The following NMNAT2 variants were observed in gnomAD, a reference collection of about 807,000 sequenced individuals.
NMNAT2 encodes the protein nicotinamide nucleotide adenylyltransferase 2, also known as nicotinamide/nicotinic acid mononucleotide adenylyltransferase 2.
NMNAT2 carries 11 observed loss-of-function variants against 41.6 expected under a neutral mutation model. The observed-to-expected ratio is 0.26, with a 90% confidence interval of 0.17 to 0.44. The LOEUF is 0.44. Ranked by LOEUF, NMNAT2 falls within the 20% of genes least tolerant of loss-of-function variation. The pLI, the probability that NMNAT2 is intolerant of heterozygous loss-of-function variation, is 1.00. For missense variants in NMNAT2, 288 were observed against 407.7 expected (o/e 0.71, Z 2.53); for synonymous variants, 148 against 151.2 (o/e 0.98, Z 0.16).
At chr1:183,407,190 G>A (rs1213633322) in intron 1 of NMNAT2, among the ~76,000 whole-genome samples, 1 of 152,144 alleles carries the variant, frequency 6.6e-6, no homozygotes, top group Non-Finnish European at 1.5e-5. Flanking sequence ...CCCGCCTGAA[G>A]TGTCCAGTGG....
chr1:183,295,866 G>T (rs997967529), intron 1 of NMNAT2, among the ~76,000 whole-genome samples: 14 of 151,740 alleles, frequency 9.2e-5, no homozygotes, highest in Admixed American at 7.9e-4. Context: ...CTTTTTCTTT[G>T]AGAGGAAGTC....
At chr1:183,261,172 A>AC in intron 9 of NMNAT2, 30 bp downstream of exon 9, 1 of 1,609,172 alleles carries the variant, frequency 6.2e-7, no homozygotes. Flanking sequence ...GGGCCATAAC[A>AC]CAGATGCACT....
chr1:183,284,146 G>T, intron 6 of NMNAT2, 107 bp from the exon 7 acceptor site: 1 of 956,832 alleles, frequency 1.0e-6, no homozygotes, highest in East Asian at 2.4e-5. Flanking sequence ...GGGGTGGGGT[G>T]GGTGCAAGTA....
At chr1:183,327,764 C>G (rs962109851) in intron 1 of NMNAT2, among the ~76,000 whole-genome samples, 1 of 152,138 alleles carries the variant, frequency 6.6e-6, no homozygotes, top group Non-Finnish European at 1.5e-5. Context: ...GGAGTGATGC[C>G]TGGAGAATTA....
intron 1 of NMNAT2, among the ~76,000 whole-genome samples, chr1:183,302,206 G>A (rs908661476): frequency 1.3e-5 from 2 of 152,146 alleles, no homozygotes; most frequent in African/African-American, 2.4e-5. Flanking sequence ...TGTCCCAGTC[G>A]CTATAAGGGA....
intron 7 of NMNAT2, among the ~76,000 whole-genome samples, chr1:183,280,474 G>A (rs1314193851): frequency 2.0e-5 from 3 of 151,786 alleles, no homozygotes; most frequent in African/African-American, 7.3e-5. Flanking sequence ...TGCAACCTCC[G>A]CCTTTCAGGT....
intron 1 of NMNAT2, among the ~76,000 whole-genome samples, chr1:183,368,311 A>G (rs1663456792): frequency 1.3e-5 from 2 of 152,144 alleles, no homozygotes; most frequent in Non-Finnish European, 2.9e-5. Flanking sequence ...CTGGGTTCAG[A>G]ATTAAGGGCA....
chr1:183,411,087 G>A (rs961126290), intron 1 of NMNAT2, among the ~76,000 whole-genome samples: 1 of 152,018 alleles, frequency 6.6e-6, no homozygotes, highest in African/African-American at 2.4e-5. Flanking sequence ...ACTAACACCT[G>A]CTCTAATGGC....
intron 1 of NMNAT2, among the ~76,000 whole-genome samples, chr1:183,411,539 A>G (rs74899396): frequency 6.6e-6 from 1 of 152,062 alleles, no homozygotes; most frequent in Non-Finnish European, 1.5e-5. Context: ...CCTGACCTCA[A>G]GTGATCTGCT....
At chr1:183,315,160 A>T (rs1466246473) in intron 1 of NMNAT2, among the ~76,000 whole-genome samples, 1 of 152,224 alleles carries the variant, frequency 6.6e-6, no homozygotes, top group Non-Finnish European at 1.5e-5. Context: ...TGGGGAAAAA[A>T]TAGAGGCAAA....
intron 1 of NMNAT2, among the ~76,000 whole-genome samples, chr1:183,412,754 T>G (rs1649153693): frequency 6.6e-6 from 1 of 152,206 alleles, no homozygotes; most frequent in Non-Finnish European, 1.5e-5. Flanking sequence ...TAAGCATTAG[T>G]CCAAGGTTTT....
At position 183,249,650 on chromosome 1, in the gene NMNAT2, T is replaced by C. The variant is rs1660319801; in HGVS notation, c.*2991A>G. On this transcript the variant is annotated 3_prime_UTR_variant, in exon 11 of 11. Coordinates refer to ENST00000287713, the MANE Select transcript of NMNAT2 (RefSeq NM_015039.4). ...TGTCCTGTCCTGGATTTAGTTGTGC[T>C]GTGACCTTCCCCTAGCAAATGAAGA... 2 of 152,610 alleles carry C rather than the reference T, an allele frequency of 1.3e-5. No individual in the cohort carries two copies. Among genetic ancestry groups the C allele is most frequent in the African/African-American group, 2.4e-5 (1 of 40,902 alleles). 9.5% of individuals were successfully genotyped at this position (152,610 alleles called of 1,614,324 possible).
At chr1:183,407,174 C>T (rs1648980311) in intron 1 of NMNAT2, among the ~76,000 whole-genome samples, 1 of 152,176 alleles carries the variant, frequency 6.6e-6, no homozygotes. Context: ...CTACATGTCC[C>T]ATGCACCCGC....
intron 1 of NMNAT2, among the ~76,000 whole-genome samples, chr1:183,316,452 C>T (rs551573497): frequency 6.6e-6 from 1 of 152,332 alleles, no homozygotes; most frequent in Admixed American, 6.5e-5. Context: ...CCTCCCCATA[C>T]ACATTCTTTC....
At chr1:183,263,491 T>C (rs138417965) in intron 8 of NMNAT2, among the ~76,000 whole-genome samples, 1 of 152,136 alleles carries the variant, frequency 6.6e-6, no homozygotes, top group Non-Finnish European at 1.5e-5. Context: ...CTTTAAACAT[T>C]TCCAAAGCCC....
At chr1:183,400,325 A>T (rs9727605) in intron 1 of NMNAT2, among the ~76,000 whole-genome samples, 17 of 151,898 alleles carry the variant, frequency 1.1e-4, no homozygotes, top group East Asian at 3.9e-4. Context: ...TGCTTCAAAG[A>T]GAATAAAATA....
chr1:183,394,855 G>C (rs1648588087), intron 1 of NMNAT2, among the ~76,000 whole-genome samples: 1 of 152,212 alleles, frequency 6.6e-6, no homozygotes, highest in African/African-American at 2.4e-5. Context: ...AAAAAAGAGA[G>C]GAGCAAACTG....
intron 1 of NMNAT2, among the ~76,000 whole-genome samples, chr1:183,394,596 T>G (rs534199201): frequency 3.2e-4 from 48 of 152,354 alleles, no homozygotes; most frequent in African/African-American, 1.0e-3. Flanking sequence ...AAAATCTGGC[T>G]GAAAACCATG....
intron 1 of NMNAT2, among the ~76,000 whole-genome samples, chr1:183,357,710 A>T (rs1263886970): frequency 6.6e-6 from 1 of 152,164 alleles, no homozygotes; most frequent in South Asian, 2.1e-4. Context: ...CCGGTGTAAG[A>T]TGATATCTCA....
Sources: gnomAD v4.1 joint callset for allele counts (sites outside exome capture counted in the v4.1 genomes callset) on GRCh38, gnomAD v4.1.1 for gene constraint, MANE v1.5 for transcripts, NCBI Gene and HGNC (gene_info 2026-07-23, HGNC 2026-07-21) for gene names.